SDK2: variants seen among roughly 807,000 people sequenced by gnomAD.
SDK2 encodes the protein protein sidekick-2.
SDK2 carries 105 observed loss-of-function variants against 253.9 expected under a neutral mutation model. The observed-to-expected ratio is 0.41, with a 90% CI of 0.35 to 0.49. SDK2 has a LOEUF of 0.49. SDK2 is among the 20% of genes least tolerant of loss of function. SDK2 has a pLI of 0.06. For missense variants in SDK2, 2,608 were observed against 3,003.0 expected (o/e 0.87, Z 3.07); for synonymous variants, 1,249 against 1,234.9 (o/e 1.01, Z -0.24).
At chr17:73,504,161 C>T (rs2063911928) in intron 2 of SDK2, among the ~76,000 whole-genome samples, 1 of 149,594 alleles carries the variant, frequency 6.7e-6, no homozygotes, top group African/African-American at 2.5e-5. Context: ...TCTGGACAGT[C>T]ACAAAGGACA....
rs77056196 is a variant in SDK2 at position 73,385,966 on chromosome 17, T to C, written c.4499-49A>G. On this transcript the variant is annotated intron_variant, in intron 31 of 44. Coordinates refer to ENST00000392650, the MANE Select transcript of SDK2 (RefSeq NM_001144952.2). ...GGTTCTGGGGGCCGCAGCTTCAAGT[T>C]CCCCAGGAGCCCACTGAGACCAGAT... 4.2e-3 allele frequency: 5,953 copies of C among 1,401,846 alleles called. 160 individuals carry two copies. The East Asian group carries it at 0.077, about 18-fold the overall frequency. The allele number at this position is 1,401,846 out of a possible 1,614,324, so 86.8% of individuals were successfully genotyped here. A position where few individuals can be genotyped will look rare whatever the true frequency, so the allele number is the denominator to read the frequency against.
At chr17:73,503,046 C>G (rs1469016515) in intron 2 of SDK2, among the ~76,000 whole-genome samples, 1 of 152,132 alleles carries the variant, frequency 6.6e-6, no homozygotes, top group Non-Finnish European at 1.5e-5. Flanking sequence ...ACTGGACAAA[C>G]CCACATTGAG....
At chr17:73,385,580 G>C (rs955103948) in intron 32 of SDK2, among the ~76,000 whole-genome samples, 4 of 152,196 alleles carry the variant, frequency 2.6e-5, no homozygotes, top group African/African-American at 9.6e-5. Flanking sequence ...CTCAGTGGTT[G>C]TCTGCAGAAG....
rs141436246 is a variant in SDK2 at position 73,636,499 on chromosome 17, C to A, written c.64+7526G>T. On this transcript the variant is annotated intron_variant, in intron 1 of 44. Transcript: ENST00000392650. ...GGTCAGGAGTTTGAGACCAGCCTGG[C>A]CAACATGGTGAAACCCTGTGCCTAC... Among the ~76,000 whole-genome samples, 488 of 151,834 alleles carry A rather than the reference C, an allele frequency of 3.2e-3. 2 individuals carry two copies. The highest frequency in any genetic ancestry group is 0.011 in the African/African-American group (472 of 41,424).
At chr17:73,397,328 T>C (rs1486832820) in intron 24 of SDK2, among the ~76,000 whole-genome samples, 1 of 152,170 alleles carries the variant, frequency 6.6e-6, no homozygotes, top group Non-Finnish European at 1.5e-5. Flanking sequence ...CTCCAGAGGA[T>C]GAGACGGCAG....
intron 37 of SDK2, among the ~76,000 whole-genome samples, chr17:73,367,400 G>C (rs142261706): frequency 3.9e-5 from 6 of 152,098 alleles, no homozygotes; most frequent in Non-Finnish European, 8.8e-5. Context: ...CTGCGTTCCC[G>C]GGTTCCTCTC....
intron 17 of SDK2, 86 bp from the exon 18 acceptor site, chr17:73,414,845 G>C: frequency 1.2e-6 from 1 of 820,148 alleles, no homozygotes; most frequent in Non-Finnish European, 2.1e-6. Flanking sequence ...GCAGGGGTGG[G>C]GGCTATAGCC....
At chr17:73,482,919 T>C (rs1484399201) in intron 2 of SDK2, among the ~76,000 whole-genome samples, 1 of 152,186 alleles carries the variant, frequency 6.6e-6, no homozygotes, top group African/African-American at 2.4e-5. Context: ...CGCTATCTGG[T>C]TCATTCCCAG....
chr17:73,585,307 A>G (rs2045589436), intron 1 of SDK2, among the ~76,000 whole-genome samples: 1 of 152,118 alleles, frequency 6.6e-6, no homozygotes, highest in South Asian at 2.1e-4. Flanking sequence ...GGGCGATGAG[A>G]AGTCTGGAGC....
rs546516736 is a variant in SDK2, at chr17:73,606,188, T to C, written c.64+37837A>G. ...TTGCTTCACATCTTGACTAGCACAA[T>C]GGACTCATGATGAAAAGAGGCTGAC... On this transcript the variant is annotated intron_variant, in intron 1 of 44. Coordinates refer to ENST00000392650, the MANE Select transcript of SDK2 (RefSeq NM_001144952.2). Among the ~76,000 whole-genome samples the C allele has an allele frequency of 3.3e-5, 5 of 152,290 alleles. No homozygotes were observed. In the East Asian group the frequency reaches 5.8e-4, roughly 18 times the overall value.
intron 18 of SDK2, among the ~76,000 whole-genome samples, chr17:73,414,406 G>A (rs937633158): frequency 1.3e-5 from 2 of 152,044 alleles, no homozygotes; most frequent in East Asian, 1.9e-4. Context: ...ACCCAGTCTC[G>A]CTGGGAAGGA....
intron 1 of SDK2, among the ~76,000 whole-genome samples, chr17:73,549,041 A>G (rs2045013094): frequency 6.6e-6 from 1 of 152,224 alleles, no homozygotes; most frequent in South Asian, 2.1e-4. Context: ...AAATGACGCC[A>G]TCAGCCTTCC....
chr17:73,419,439 T>C (rs2063210009), intron 15 of SDK2, 133 bp from the exon 16 acceptor site: 2 of 915,500 alleles, frequency 2.2e-6, no homozygotes, highest in African/African-American at 1.7e-5. Context: ...TCTGGGCAAG[T>C]TACCTGACTT....
intron 40 of SDK2, among the ~76,000 whole-genome samples, chr17:73,355,174 A>ATATATTT: frequency 2.1e-5 from 1 of 47,224 alleles, no homozygotes; most frequent in Non-Finnish European, 3.4e-5. Flanking sequence ...ATATATATAT[A>ATATATTT]TTTTTTTTTT....
In SDK2 at chr17:73,337,221, C is replaced by G. The variant is rs368676315; in HGVS notation, c.*1366G>C. The G allele has an allele frequency of 2.6e-5, 4 of 152,366 alleles. No individual in the cohort carries two copies. The highest frequency in any genetic ancestry group is 7.2e-5 in the African/African-American group (3 of 41,444). The allele number at this position is 152,366 out of a possible 1,614,324, so 9.4% of individuals were successfully genotyped here. ...CCTTCCCCTCCCCGCCCTGGCCAGGCGGAGCCCAGCCTGGAAGCTGTTACT... is the reference window on the plus strand; with the variant it reads ...CCTTCCCCTCCCCGCCCTGGCCAGGGGGAGCCCAGCCTGGAAGCTGTTACT... On this transcript the variant is annotated 3_prime_UTR_variant, in exon 45 of 45. Coordinates refer to ENST00000392650, the MANE Select transcript of SDK2 (RefSeq NM_001144952.2).
chr17:73,484,503 C>T (rs1255163661), intron 2 of SDK2, among the ~76,000 whole-genome samples: 3 of 152,200 alleles, frequency 2.0e-5, no homozygotes, highest in South Asian at 2.1e-4. Flanking sequence ...TTCCCTGATG[C>T]GAGAGGCCCT....
rs80045565 is a variant in SDK2, at chr17:73,603,454, T to C, written c.64+40571A>G. On this transcript the variant is annotated intron_variant, in intron 1 of 44. Transcript: ENST00000392650. ...CACACTGATAAGTTGGAGAGACGAC[T>C]CTTTTCTCCTCTGAAATGTAGCTAG... 7.6e-3 allele frequency among the ~76,000 whole-genome samples: 1,154 copies of C among 152,310 alleles called. 7 individuals are homozygous for C. Among genetic ancestry groups the C allele is most frequent in the Non-Finnish European group, 1.0e-2 (677 of 68,022 alleles).
intron 2 of SDK2, among the ~76,000 whole-genome samples, chr17:73,498,151 A>C (rs1395892212): frequency 6.6e-6 from 1 of 152,224 alleles, no homozygotes; most frequent in Non-Finnish European, 1.5e-5. Flanking sequence ...CCATATCACC[A>C]GCAGCCGGTA....
rs753612333 is a variant in SDK2 at position 73,447,695 on chromosome 17, G to A, written c.533C>T (p.Ala178Val). 3.9e-6 allele frequency: 6 copies of A among 1,551,664 alleles called. No individual in the cohort carries two copies. The highest frequency in any genetic ancestry group is 5.2e-6 in the Non-Finnish European group (6 of 1,147,014). Residue 178 changes from alanine to valine, a missense_variant, in exon 5 of 45, where the codon GCA becomes GTA. By Grantham distance (64) the Ala-to-Val change is moderately conservative. This residue lies in a region of SDK2 where 1,505 missense variants were observed against 1,859.1 expected (regional missense o/e 0.81). Coordinates refer to ENST00000392650, the MANE Select transcript of SDK2 (RefSeq NM_001144952.2). This position sits in a 1 kb window ranked among gnomAD's most constrained non-coding sequence, Gnocchi z 4.0. ...AACAGCCTGCACATAGTAGCGACCT[G>A]CGTCAGGGGCCACCGTTGACAGGAT... Reference protein sequence around the residue: ...LVILSTVAPDAGRYYVQAVND... With the variant: ...LVILSTVAPDVGRYYVQAVND...
Sources: allele counts gnomAD v4.1 joint callset (sites outside exome capture counted in the v4.1 genomes callset), GRCh38; gene constraint gnomAD v4.1.1; regional missense constraint gnomAD v4.1.1; non-coding constraint Gnocchi (gnomAD v3.1); transcripts MANE v1.5; gene names NCBI Gene and HGNC (gene_info 2026-07-23, HGNC 2026-07-21).